Variants in MOSMO observed in about 807,000 individuals in gnomAD.
The protein encoded by MOSMO is modulator of smoothened, also known as modulator of smoothened protein.
Under a neutral mutation model 18.4 loss-of-function variants are expected in MOSMO, and 5 were observed. The observed-to-expected ratio is 0.27, with a 90% CI of 0.14 to 0.57. The LOEUF (loss-of-function observed/expected upper bound fraction) is 0.57, where lower values mean the gene tolerates loss of function less well. Among genes scored for constraint, MOSMO ranks in the 20% least tolerant of loss-of-function variants. MOSMO has a pLI of 0.92. For missense variants in MOSMO, 138 were observed against 211.8 expected, an observed-to-expected ratio of 0.65 and a Z score of 2.16; for synonymous variants, 82 against 82.3, an observed-to-expected ratio of 1.00 and a Z score of 0.02.
At chr16:22,024,358 AT>A (rs1414228200) in intron 1 of MOSMO, among the ~76,000 whole-genome samples, 13 of 150,394 alleles carry the variant, frequency 8.6e-5, no homozygotes, top group African/African-American at 3.2e-4. Context: ...GCAGTTGATT[AT>A]CTTTGAAAAC....
intron 2 of MOSMO, among the ~76,000 whole-genome samples, chr16:22,078,188 C>T (rs765836561): frequency 6.6e-5 from 10 of 151,978 alleles, no homozygotes; most frequent in Non-Finnish European, 1.0e-4. Context: ...TTCTGACTCT[C>T]GCCACCAAGA....
At chr16:22,025,730 C>T (rs1054300673) in intron 1 of MOSMO, among the ~76,000 whole-genome samples, 1 of 152,184 alleles carries the variant, frequency 6.6e-6, no homozygotes, top group Non-Finnish European at 1.5e-5. Flanking sequence ...AAACCCCCTA[C>T]AACAGCTCTG....
chr16:22,024,731 C>G (rs1420725769), intron 1 of MOSMO, among the ~76,000 whole-genome samples: 1 of 152,006 alleles, frequency 6.6e-6, no homozygotes, highest in Non-Finnish European at 1.5e-5. Context: ...ATTTAAGTAA[C>G]CAGAAAAGGT....
chr16:22,053,912 A>C (rs766747522), intron 1 of MOSMO, among the ~76,000 whole-genome samples: 2 of 152,136 alleles, frequency 1.3e-5, no homozygotes, highest in Non-Finnish European at 2.9e-5. Flanking sequence ...TTTGTCTTTG[A>C]ATTTTTGTAG....
intron 1 of MOSMO, among the ~76,000 whole-genome samples, chr16:22,015,963 T>C (rs1480060412): frequency 2.6e-5 from 4 of 152,162 alleles, no homozygotes; most frequent in African/African-American, 9.6e-5. Context: ...AGATTGGCCA[T>C]ACTTATTGAG....
In MOSMO at chr16:22,039,867, ATTTATGACTGCAATTACC is replaced by A. The variant is rs1320549875; in HGVS notation, c.106+31463_106+31480del. ...TACCCTGTATGATTTTTCTTATGGC[ATTTATGACTGCAATTACC>A]TTGCTTATTAATATGTTCACTTTTT... is the stretch of plus-strand genomic sequence containing the variant. On this transcript the variant is annotated intron_variant, in intron 1 of 2. Transcript: ENST00000542527. Among the ~76,000 whole-genome samples the A allele has an allele frequency of 3.9e-5, 6 of 152,238 alleles. No individual in the cohort carries two copies. In the East Asian group the frequency reaches 1.2e-3, roughly 29 times the overall value.
At chr16:22,042,407 G>A (rs2141732242) in intron 1 of MOSMO, among the ~76,000 whole-genome samples, 1 of 152,152 alleles carries the variant, frequency 6.6e-6, no homozygotes, top group Admixed American at 6.5e-5. Flanking sequence ...AAACCTTTTT[G>A]GATGCTTTCA....
chr16:22,075,415 G>A (rs925670594), intron 1 of MOSMO, 72 bp from the exon 2 acceptor site: 22 of 1,010,214 alleles, frequency 2.2e-5, no homozygotes, highest in Middle Eastern at 4.1e-4. Context: ...AGAACTAAAG[G>A]GGTGGTGGTG....
Position 22,083,779 on chromosome 16 carries a change from A to C in MOSMO, c.*2899A>C. On this transcript the variant is annotated 3_prime_UTR_variant, in exon 3 of 3. Coordinates refer to ENST00000542527, the MANE Select transcript of MOSMO (RefSeq NM_001164579.2). ...GACTGAATTAGTTTGACATTTTTGG[A>C]AGCTCCTATTGAACATACCCAAACA... is the stretch of plus-strand genomic sequence containing the variant. The C allele has an allele frequency of 2.3e-6, 1 of 427,922 alleles. No homozygotes were observed. Among genetic ancestry groups the C allele is most frequent in the Non-Finnish European group, 4.6e-6 (1 of 218,144 alleles). 26.5% of individuals were successfully genotyped at this position (427,922 alleles called of 1,614,324 possible).
chr16:22,077,275 C>T (rs938085513), intron 2 of MOSMO, among the ~76,000 whole-genome samples: 3 of 152,072 alleles, frequency 2.0e-5, no homozygotes, highest in Non-Finnish European at 4.4e-5. Flanking sequence ...TTCTTATGAC[C>T]CAATAAAGGG....
chr16:22,060,549 G>C (rs1454503244), intron 1 of MOSMO, among the ~76,000 whole-genome samples: 1 of 152,142 alleles, frequency 6.6e-6, no homozygotes, highest in Non-Finnish European at 1.5e-5. Context: ...TGAACAACTA[G>C]ATTTTTAGAT....
chr16:22,049,990 A>G (rs1236998315), intron 1 of MOSMO, among the ~76,000 whole-genome samples: 1 of 152,112 alleles, frequency 6.6e-6, no homozygotes, highest in African/African-American at 2.4e-5. Flanking sequence ...TATCCATGCC[A>G]TGGTTGGAGA....
chr16:22,014,970 C>A (rs946950225), intron 1 of MOSMO, among the ~76,000 whole-genome samples: 3 of 152,012 alleles, frequency 2.0e-5, no homozygotes, highest in African/African-American at 7.3e-5. Context: ...TAAAATTCAT[C>A]CATTTAAAGT....
chr16:22,027,835 C>A (rs1466039431), intron 1 of MOSMO, among the ~76,000 whole-genome samples: 1 of 152,170 alleles, frequency 6.6e-6, no homozygotes, highest in Non-Finnish European at 1.5e-5. Flanking sequence ...CCCTTGCCTT[C>A]AGTTTCTCTG....
chr16:22,028,325 G>T (rs1403371892), intron 1 of MOSMO, among the ~76,000 whole-genome samples: 1 of 150,432 alleles, frequency 6.6e-6, no homozygotes, highest in African/African-American at 2.4e-5. Flanking sequence ...ATATGGATAG[G>T]GCTACTGGAC....
intron 1 of MOSMO, chr16:22,075,241 C>G: frequency 1.7e-6 from 1 of 595,792 alleles, no homozygotes; most frequent in Non-Finnish European, 3.1e-6. Context: ...TTAATGAATG[C>G]CTGAGTGAAC....
intron 1 of MOSMO, among the ~76,000 whole-genome samples, chr16:22,074,269 A>C (rs1175273640): frequency 6.6e-6 from 1 of 151,890 alleles, no homozygotes; most frequent in Non-Finnish European, 1.5e-5. Context: ...TTTTGTGTTC[A>C]TATTGAGAAA....
At chr16:22,050,349 A>G (rs991446252) in intron 1 of MOSMO, among the ~76,000 whole-genome samples, 35 of 152,190 alleles carry the variant, frequency 2.3e-4, no homozygotes, top group African/African-American at 8.0e-4. Flanking sequence ...GTTAGGTCTG[A>G]TCATTTCTAT....
chr16:22,017,680 T>C (rs1442409637), intron 1 of MOSMO, among the ~76,000 whole-genome samples: 1 of 152,186 alleles, frequency 6.6e-6, no homozygotes, highest in African/African-American at 2.4e-5. Context: ...AATATCAGGA[T>C]ACCTAAAAAT....
Sources: gnomAD v4.1 joint callset for allele counts (sites outside exome capture counted in the v4.1 genomes callset) on GRCh38, gnomAD v4.1.1 for gene constraint, MANE v1.5 for transcripts, NCBI Gene and HGNC (gene_info 2026-07-23, HGNC 2026-07-21) for gene names.